The following RTN1 variants were observed in gnomAD, a reference collection of about 807,000 sequenced individuals.
RTN1 encodes the protein reticulon 1.
A neutral mutation model predicts 65.5 loss-of-function variants in RTN1; 25 were observed. That is an observed-to-expected ratio of 0.38 (90% confidence interval 0.28 to 0.53). The LOEUF is 0.53. RTN1 is among the 20% of genes least tolerant of loss of function. The pLI is 0.79. For missense variants in RTN1, 983 were observed against 1,025.4 expected, an observed-to-expected ratio of 0.96 and a Z score of 0.57; for synonymous variants, 471 against 447.6, an observed-to-expected ratio of 1.05 and a Z score of -0.66.
intron 3 of RTN1, among the ~76,000 whole-genome samples, chr14:59,674,014 C>A (rs559478166): frequency 1.3e-5 from 2 of 152,224 alleles, no homozygotes; most frequent in South Asian, 4.1e-4. Flanking sequence ...AATTTTATCA[C>A]CACAATAAAG....
At chr14:59,691,187 G>A (rs767155584) in intron 3 of RTN1, among the ~76,000 whole-genome samples, 1 of 152,028 alleles carries the variant, frequency 6.6e-6, no homozygotes, top group Non-Finnish European at 1.5e-5. Flanking sequence ...TAGCCCACTA[G>A]CTAGATTACC....
Position 59,605,666 on chromosome 14 carries a change from G to A in RTN1, c.1974-160C>T, listed in dbSNP as rs540920811. The A allele has an allele frequency of 1.1e-4, 69 of 629,876 alleles. 2 individuals carry two copies. Among genetic ancestry groups the A allele is most frequent in the South Asian group, 9.9e-4 (49 of 49,336 alleles). The allele number at this position is 629,876 out of a possible 1,614,324, so 39.0% of individuals were successfully genotyped here. A position where few individuals can be genotyped will look rare whatever the true frequency, so the allele number is the denominator to read the frequency against. On this transcript the variant is annotated intron_variant, in intron 4 of 8. Coordinates refer to ENST00000267484, the MANE Select transcript of RTN1 (RefSeq NM_021136.3). Reference sequence around the variant, plus strand: ...CAGCCAGTGAGGGCCACAGGGCACCGTACACACCTGCTTCCATGCACTGAG... The same window carrying A: ...CAGCCAGTGAGGGCCACAGGGCACCATACACACCTGCTTCCATGCACTGAG...
chr14:59,714,359 T>C (rs1440512416), intron 3 of RTN1, among the ~76,000 whole-genome samples: 2 of 152,222 alleles, frequency 1.3e-5, no homozygotes, highest in Non-Finnish European at 2.9e-5. Flanking sequence ...AGAATAATGC[T>C]GGCTACAGTA....
chr14:59,703,217 T>A (rs1053935223), intron 3 of RTN1, among the ~76,000 whole-genome samples: 8 of 152,216 alleles, frequency 5.3e-5, no homozygotes, highest in African/African-American at 1.7e-4. Flanking sequence ...ATATATTATA[T>A]GATATCGTTT....
intron 3 of RTN1, among the ~76,000 whole-genome samples, chr14:59,647,211 T>C (rs1882917477): frequency 6.6e-6 from 1 of 152,174 alleles, no homozygotes; most frequent in Non-Finnish European, 1.5e-5. Flanking sequence ...ACAAGAGCGT[T>C]ACATAATGGT....
intron 3 of RTN1, among the ~76,000 whole-genome samples, chr14:59,652,005 A>C (rs972515044): frequency 1.3e-5 from 2 of 152,206 alleles, no homozygotes; most frequent in African/African-American, 4.8e-5. Flanking sequence ...ACCCCATTGA[A>C]AAGTGGGCAA....
intron 1 of RTN1, among the ~76,000 whole-genome samples, chr14:59,749,620 GATATCTATAT>G (rs1885377578): frequency 4.8e-5 from 1 of 20,960 alleles, no homozygotes; most frequent in African/African-American, 3.6e-4. Context: ...TATTTATATA[GATATCTATAT>G]ATAGATATCT....
At chr14:59,835,931 T>G (rs1180619738) in intron 1 of RTN1, among the ~76,000 whole-genome samples, 1 of 152,232 alleles carries the variant, frequency 6.6e-6, no homozygotes, top group Non-Finnish European at 1.5e-5. Flanking sequence ...CTCACTGGGC[T>G]GAAATTAAGG....
At chr14:59,811,796 T>C (rs1886734149) in intron 1 of RTN1, among the ~76,000 whole-genome samples, 1 of 152,186 alleles carries the variant, frequency 6.6e-6, no homozygotes, top group African/African-American at 2.4e-5. Context: ...AGTGATAAAA[T>C]ATCCAAAGAG....
intron 1 of RTN1, 30 bp from the exon 2 acceptor site, chr14:59,746,511 G>A (rs1388240930): frequency 6.5e-7 from 1 of 1,534,888 alleles, no homozygotes; most frequent in Non-Finnish European, 8.7e-7. Flanking sequence ...CAGACAGTGA[G>A]TGGGTGCTTG....
At chr14:59,611,947 A>G (rs1407259767) in intron 3 of RTN1, among the ~76,000 whole-genome samples, 2 of 152,178 alleles carry the variant, frequency 1.3e-5, no homozygotes, top group African/African-American at 2.4e-5. Context: ...ATGAGCCCCA[A>G]AGAAGGCTCA....
chr14:59,746,206 C>A lies in RTN1; in HGVS notation c.517G>T (p.Ala173Ser), dbSNP rs760483730. 1 of 1,611,958 alleles carries A rather than the reference C, an allele frequency of 6.2e-7. No individual in the cohort carries two copies. The highest frequency in any genetic ancestry group is 8.5e-7 in the Non-Finnish European group (1 of 1,179,138). The change falls in exon 2 of 9, where the codon GCA becomes TCA. Residue 173 changes from alanine to serine, a missense_variant. Ala to Ser is a moderately conservative substitution (Grantham distance 99). This residue lies in a region of RTN1 where 818 missense variants were observed against 801.8 expected (regional missense o/e 1.02). Coordinates refer to ENST00000267484, the MANE Select transcript of RTN1 (RefSeq NM_021136.3). ...SSDSGIEMTPAESTEVNKILA... is the reference protein window; with the variant it reads ...SSDSGIEMTPSESTEVNKILA... ...ATCTTGTTCACTTCCGTGGACTCTGCAGGAGTCATCTCTATTCCAGAATCA... is the reference window on the plus strand; with the variant it reads ...ATCTTGTTCACTTCCGTGGACTCTGAAGGAGTCATCTCTATTCCAGAATCA...
intron 1 of RTN1, among the ~76,000 whole-genome samples, chr14:59,800,203 G>A (rs2139599690): frequency 6.6e-6 from 1 of 152,186 alleles, no homozygotes; most frequent in East Asian, 1.9e-4. Context: ...AGGCAATGAA[G>A]GTAACTCTAG....
At position 59,596,802 on chromosome 14, in the gene RTN1, T is replaced by A; in HGVS notation, c.2289-15A>T. The A allele has an allele frequency of 6.2e-7, 1 of 1,604,642 alleles. No homozygotes were observed. The highest frequency in any genetic ancestry group is 1.1e-5 in the South Asian group (1 of 90,890). On this transcript the variant is annotated splice_polypyrimidine_tract_variant and intron_variant, in intron 8 of 8. Coordinates refer to ENST00000267484, the MANE Select transcript of RTN1 (RefSeq NM_021136.3). ...TAGCCTGAATCCTAAAAAGACAGTA[T>A]CAAAAGGTAGTAAATCACAAGTGTT...
At chr14:59,658,685 A>G (rs1446125593) in intron 3 of RTN1, among the ~76,000 whole-genome samples, 1 of 152,206 alleles carries the variant, frequency 6.6e-6, no homozygotes, top group Non-Finnish European at 1.5e-5. Context: ...GTATAGCATC[A>G]ACATCAACAA....
Position 59,669,063 on chromosome 14 carries a change from T to C in RTN1, c.1765+57856A>G, listed in dbSNP as rs552430997. On this transcript the variant is annotated intron_variant, in intron 3 of 8. Transcript: ENST00000267484. ...ACAGTGTGGCGATTCCTCAAGGATCTAGAACTAGAATTACCATTTGACCCA... is the reference window on the plus strand; with the variant it reads ...ACAGTGTGGCGATTCCTCAAGGATCCAGAACTAGAATTACCATTTGACCCA... 2.6e-5 allele frequency among the ~76,000 whole-genome samples: 4 copies of C among 152,316 alleles called. No individual in the cohort carries two copies. In the East Asian group the frequency reaches 7.7e-4, roughly 29 times the overall value.
Position 59,836,398 on chromosome 14 carries a change from C to T in RTN1, c.241+33992G>A, listed in dbSNP as rs1887213375. 6.6e-6 allele frequency among the ~76,000 whole-genome samples: 1 copy of T among 152,206 alleles called. No individual in the cohort carries two copies. Among genetic ancestry groups the T allele is most frequent in the African/African-American group, 2.4e-5 (1 of 41,440 alleles). ...TGTCCCCATTATAGAGATGAGGACT[C>T]TCAGGCACAGAGAGATTAAGGAACT... is the stretch of plus-strand genomic sequence containing the variant. On this transcript the variant is annotated intron_variant, in intron 1 of 8. Transcript: ENST00000267484. The surrounding 1 kb of genome is among the most constrained non-coding windows in gnomAD (Gnocchi z 4.9).
intron 3 of RTN1, among the ~76,000 whole-genome samples, chr14:59,721,956 T>C (rs943843314): frequency 1.3e-5 from 2 of 152,224 alleles, no homozygotes; most frequent in South Asian, 4.1e-4. Context: ...AACTCCCTGT[T>C]GGTGTTTTTT....
chr14:59,844,195 T>C (rs1887365416), intron 1 of RTN1, among the ~76,000 whole-genome samples: 1 of 152,202 alleles, frequency 6.6e-6, no homozygotes, highest in Admixed American at 6.5e-5. Context: ...ATGGTTTGAA[T>C]GTACGCTCCC....
Sources: allele counts gnomAD v4.1 joint callset (sites outside exome capture counted in the v4.1 genomes callset), GRCh38; gene constraint gnomAD v4.1.1; regional missense constraint gnomAD v4.1.1; non-coding constraint Gnocchi (gnomAD v3.1); transcripts MANE v1.5; gene names NCBI Gene and HGNC (gene_info 2026-07-23, HGNC 2026-07-21).